KIAA1586: variants seen among roughly 807,000 people sequenced by gnomAD.
The protein encoded by KIAA1586 is E3 SUMO-protein ligase KIAA1586.
KIAA1586 carries 5 observed loss-of-function variants against 6.1 expected under a neutral mutation model. The observed-to-expected ratio is 0.82, with a 90% confidence interval of 0.43 to 1.73. KIAA1586 has a LOEUF of 1.73. KIAA1586 is among the 40% of genes most tolerant of loss of function. KIAA1586 has a pLI of 0.02. For synonymous variants in KIAA1586, 280 were observed against 301.7 expected, an observed-to-expected ratio of 0.93 and a Z score of 0.75; for missense variants, 899 against 878.2, an observed-to-expected ratio of 1.02 and a Z score of -0.30.
At chr6:57,061,010 G>C in the KIAA1586 span, among the ~76,000 whole-genome samples, 1 of 147,468 alleles carries the variant, frequency 6.8e-6, no homozygotes, top group East Asian at 2.0e-4. Flanking sequence ...CAGAGTCTTC[G>C]CTCTGTCACC....
chr6:57,054,003 T>G lies in KIAA1586; in HGVS notation c.1504T>G (p.Leu502Val), dbSNP rs772520152. ...ATAVWHAYPI[L>V]YMHFSHSYSG... Reference sequence around the variant, plus strand: ...TGCTGTATGGCATGCATATCCTATATTATATATGCATTTTTCTCATTCTTA... The same window carrying G: ...TGCTGTATGGCATGCATATCCTATAGTATATATGCATTTTTCTCATTCTTA... The change falls in exon 4 of 4, where the codon TTA becomes GTA. Residue 502 changes from leucine (L) to valine (V), a missense_variant. Coordinates refer to ENST00000370733, the MANE Select transcript of KIAA1586 (RefSeq NM_020931.4). 1 of 1,608,532 alleles carries G rather than the reference T, an allele frequency of 6.2e-7. No homozygotes were observed. Among genetic ancestry groups the G allele is most frequent in the Admixed American group, 1.7e-5 (1 of 58,848 alleles).
chr6:57,059,812 A>G (rs1828542818), downstream of KIAA1586, among the ~76,000 whole-genome samples: 1 of 152,078 alleles, frequency 6.6e-6, no homozygotes. Context: ...ATCTCTCATC[A>G]TATCTGTTTT....
At chr6:57,050,641 T>C (rs934987147) in intron 2 of KIAA1586, 133 bp from the exon 3 acceptor site, 23 of 645,346 alleles carry the variant, frequency 3.6e-5, no homozygotes, top group Non-Finnish European at 2.7e-5. Context: ...TTTCTAATTA[T>C]TCTGTGCCAC....
Position 57,053,287 on chromosome 6 carries a change from T to A in KIAA1586, c.788T>A (p.Leu263Ter). The A allele has an allele frequency of 6.2e-7, 1 of 1,611,440 alleles. No homozygotes were observed. The highest frequency in any genetic ancestry group is 1.7e-5 in the Admixed American group (1 of 59,566). ...VYSLVKHNRP[L>*]SDIEGARELQ... ...AGTTTAGTAAAACATAACAGACCTT[T>A]ATCTGATATTGAGGGGGCAAGAGAA... Residue 263 changes from leucine (L) to a stop codon, truncating the protein, a stop_gained, in exon 4 of 4, where the codon TTA (leucine) becomes TAA (stop). Transcript: ENST00000370733. LOFTEE classifies it low-confidence loss of function (END_TRUNC).
In KIAA1586 at chr6:57,054,619, C is replaced by A. The variant is rs1385900351; in HGVS notation, c.2120C>A (p.Ala707Asp). ...VSTIAINSAE[A>D]ERGFNLMNII... Reference sequence around the variant, plus strand: ...ACCATTGCAATCAATAGTGCTGAAGCTGAAAGGGGTTTCAATTTAATGAAC... The same window carrying A: ...ACCATTGCAATCAATAGTGCTGAAGATGAAAGGGGTTTCAATTTAATGAAC... The change falls in exon 4 of 4, where the codon GCT becomes GAT. Residue 707 changes from alanine to aspartate, a missense_variant. By Grantham distance (126) the Ala-to-Asp change is moderately radical (BLOSUM62 -2). Transcript: ENST00000370733. The A allele has an allele frequency of 6.3e-7, 1 of 1,597,350 alleles. No homozygotes were observed. The highest frequency in any genetic ancestry group is 1.3e-5 in the African/African-American group (1 of 74,606).
At chr6:57,061,388 A>G in the KIAA1586 span, among the ~76,000 whole-genome samples, 1 of 151,938 alleles carries the variant, frequency 6.6e-6, no homozygotes, top group East Asian at 1.9e-4. Flanking sequence ...GGTTCTAGTT[A>G]TTTATTTATT....
At position 57,052,739 on chromosome 6, in the gene KIAA1586, T is replaced by C; in HGVS notation, c.240T>C (p.Asn80=). ...AGGGTGATTTTTTGCATTTTTTAAA[T>C]GTGAAGAAGGTGAAAACAGACACAG... is the stretch of plus-strand genomic sequence containing the variant. ...KRQGDFLHFL[N]VKKVKTDTEN... The change falls in exon 4 of 4, where the codon AAT becomes AAC. Residue 80 remains asparagine, a synonymous_variant. Transcript: ENST00000370733. 6.3e-7 allele frequency: 1 copy of C among 1,588,110 alleles called. No individual in the cohort carries two copies. The highest frequency in any genetic ancestry group is 1.2e-5 in the South Asian group (1 of 85,950).
chr6:57,055,605 A>G (rs1028714306), downstream of KIAA1586, among the ~76,000 whole-genome samples: 3 of 152,330 alleles, frequency 2.0e-5, no homozygotes, highest in East Asian at 5.8e-4. Flanking sequence ...TGCAGACAAC[A>G]GGAATTACAG....
intron 2 of KIAA1586, among the ~76,000 whole-genome samples, chr6:57,048,335 A>T (rs190969750): frequency 1.1e-3 from 163 of 152,264 alleles, no homozygotes; most frequent in African/African-American, 3.8e-3. Context: ...TTGTAGGTTT[A>T]GGGCGACTTT....
Position 57,053,012 on chromosome 6 carries a change from A to T in KIAA1586, c.513A>T (p.Gly171=), listed in dbSNP as rs142483287. 4.1e-5 allele frequency: 66 copies of T among 1,613,934 alleles called. No homozygotes were observed. In the Middle Eastern group the frequency reaches 2.0e-3, roughly 48 times the overall value. Residue 171 remains glycine (G), a synonymous_variant, in exon 4 of 4, where the codon GGA becomes GGT. Transcript: ENST00000370733. ...ATTGTTCAGCAGTTCGGCATTTGGG[A>T]TCGAAAGCAGAAAAGCATGTCCATG... ...CKDCSAVRHL[G]SKAEKHVHVS...
At chr6:57,064,967 CT>C in the KIAA1586 span, among the ~76,000 whole-genome samples, 1 of 152,142 alleles carries the variant, frequency 6.6e-6, no homozygotes, top group Non-Finnish European at 1.5e-5. Flanking sequence ...CTTTTTCTCT[CT>C]GCATTCCATC....
the KIAA1586 span, among the ~76,000 whole-genome samples, chr6:57,060,557 TC>T: frequency 6.6e-6 from 1 of 152,140 alleles, no homozygotes; most frequent in Non-Finnish European, 1.5e-5. Flanking sequence ...TTTTACTGGC[TC>T]CCCACTTTGT....
At chr6:57,062,765 T>C in the KIAA1586 span, among the ~76,000 whole-genome samples, 5 of 152,220 alleles carry the variant, frequency 3.3e-5, no homozygotes, top group East Asian at 5.8e-4. Context: ...AAAAATATTT[T>C]TGTGGCCGAG....
chr6:57,066,522 A>G, the KIAA1586 span, among the ~76,000 whole-genome samples: 1 of 152,158 alleles, frequency 6.6e-6, no homozygotes, highest in African/African-American at 2.4e-5. Context: ...CTTATGGTTT[A>G]TGCTAAGTGG....
chr6:57,054,722 A>T lies in KIAA1586; in HGVS notation c.2223A>T (p.Lys741Asn), dbSNP rs61745826. Residue 741 changes from lysine (K) to asparagine (N), a missense_variant, in exon 4 of 4, where the codon AAA becomes AAT. Coordinates refer to ENST00000370733, the MANE Select transcript of KIAA1586 (RefSeq NM_020931.4). ...SDLMTINLLGKELADWDATPF... is the reference protein window; with the variant it reads ...SDLMTINLLGNELADWDATPF... Reference sequence around the variant, plus strand: ...TAATGACAATAAATTTACTGGGGAAAGAATTAGCAGATTGGGATGCAACAC... The same window carrying T: ...TAATGACAATAAATTTACTGGGGAATGAATTAGCAGATTGGGATGCAACAC... 2.8e-4 allele frequency: 429 copies of T among 1,551,502 alleles called. 2 individuals are homozygous for T. Among genetic ancestry groups the T allele is most frequent in the Middle Eastern group, 6.7e-4 (4 of 5,986 alleles).
rs375729894 is a variant in KIAA1586, at chr6:57,054,749, G to A, written c.2250G>A (p.Pro750=). Residue 750 remains proline (P), a synonymous_variant, in exon 4 of 4, where the codon CCG becomes CCA. Coordinates refer to ENST00000370733, the MANE Select transcript of KIAA1586 (RefSeq NM_020931.4). ...AATTAGCAGATTGGGATGCAACACC[G>A]TTTGTAAAATCTTGGTCAAATTGCA... The part of the protein sequence containing the change: ...GKELADWDAT[P]FVKSWSNCNH... The A allele has an allele frequency of 4.3e-5, 67 of 1,551,302 alleles. No individual in the cohort carries two copies. The highest frequency in any genetic ancestry group is 3.3e-4 in the African/African-American group (24 of 73,122).
At position 57,053,725 on chromosome 6, in the gene KIAA1586, A is replaced by C. The variant is rs1422936276; in HGVS notation, c.1226A>C (p.Asn409Thr). 1.2e-6 allele frequency: 2 copies of C among 1,610,696 alleles called. No homozygotes were observed. Among genetic ancestry groups the C allele is most frequent in the Non-Finnish European group, 1.7e-6 (2 of 1,177,802 alleles). ...KSGVATKLLE[N>T]FPEIIIWNCL... is the part of the protein sequence containing the mutation. Reference sequence around the variant, plus strand: ...GGAGTAGCTACAAAATTGTTAGAAAATTTTCCTGAAATCATCATTTGGAAC... The same window carrying C: ...GGAGTAGCTACAAAATTGTTAGAAACTTTTCCTGAAATCATCATTTGGAAC... Residue 409 changes from asparagine (N) to threonine (T), a missense_variant, in exon 4 of 4, where the codon AAT becomes ACT. Transcript: ENST00000370733.
At position 57,055,013 on chromosome 6, in the gene KIAA1586, T is replaced by C; in HGVS notation, c.*150T>C. The C allele has an allele frequency of 2.1e-6, 2 of 946,964 alleles. No homozygotes were observed. The highest frequency in any genetic ancestry group is 3.0e-6 in the Non-Finnish European group (2 of 667,800). The allele number at this position is 946,964 out of a possible 1,614,324, so 58.7% of individuals were successfully genotyped here. A position where few individuals can be genotyped will look rare whatever the true frequency, so the allele number is the denominator to read the frequency against. ...TTCTTTAAGAAGATAATCTTGAAGA[T>C]TGGTTTTAGAAGCTATAGTTTTTTA... On this transcript the variant is annotated 3_prime_UTR_variant, in exon 4 of 4. Coordinates refer to ENST00000370733, the MANE Select transcript of KIAA1586 (RefSeq NM_020931.4).
intron 2 of KIAA1586, 152 bp from the exon 3 acceptor site, chr6:57,050,622 C>T: frequency 1.7e-6 from 1 of 585,326 alleles, no homozygotes. Flanking sequence ...AGCCCCTTTG[C>T]CCGTTTTGTT....
Sources: gnomAD v4.1 joint callset for allele counts (sites outside exome capture counted in the v4.1 genomes callset) on GRCh38, gnomAD v4.1.1 for gene constraint, MANE v1.5 for transcripts, NCBI Gene and HGNC (gene_info 2026-07-23, HGNC 2026-07-21) for gene names.